ABCA3: variants seen among roughly 807,000 people sequenced by gnomAD.
The protein encoded by ABCA3 is phospholipid-transporting ATPase ABCA3.
A neutral mutation model predicts 172.8 loss-of-function variants in ABCA3; 88 were observed. The observed-to-expected ratio is 0.51, with a 90% confidence interval of 0.43 to 0.61. The LOEUF is 0.61. Ranked by LOEUF, ABCA3 falls within the 20% of genes least tolerant of loss-of-function variation. ABCA3 has a pLI of 0.00. For missense variants in ABCA3, 2,164 were observed against 2,301.0 expected (o/e 0.94, Z 1.22); for synonymous variants, 1,066 against 983.8 (o/e 1.08, Z -1.56).
In ABCA3 at chr16:2,319,612, G is replaced by A. The variant is rs1271636331; in HGVS notation, c.842C>T (p.Ala281Val). 6.2e-7 allele frequency: 1 copy of A among 1,613,030 alleles called. No individual in the cohort carries two copies. The highest frequency in any genetic ancestry group is 8.5e-7 in the Non-Finnish European group (1 of 1,180,036). ...FTYTALTIARAVVQEKERRLK... is the reference protein window; with the variant it reads ...FTYTALTIARVVVQEKERRLK... Reference sequence around the variant, plus strand: ...CCTCCTTTCCTTCTCCTGCACGACAGCACGGGCAATGGTGAGCGCGGTGTA... The same window carrying A: ...CCTCCTTTCCTTCTCCTGCACGACAACACGGGCAATGGTGAGCGCGGTGTA... The change falls in exon 8 of 33, where the codon GCT becomes GTT. Residue 281 changes from alanine (A) to valine (V), a missense_variant. Physicochemically the swap from Ala to Val is moderately conservative, Grantham distance 64. This residue lies in a region of ABCA3 where 1,343 missense variants were observed against 1,369.6 expected (regional missense o/e 0.98). Transcript: ENST00000301732.
At position 2,332,453 on chromosome 16, in the gene ABCA3, C is replaced by T. The variant is rs920694827; in HGVS notation, c.-538-2599G>A. The T allele has an allele frequency of 2.3e-5, 26 of 1,112,572 alleles. 1 individual carries two copies. Among genetic ancestry groups the T allele is most frequent in the Middle Eastern group, 2.9e-4 (1 of 3,446 alleles). The allele number at this position is 1,112,572 out of a possible 1,614,324, so 68.9% of individuals were successfully genotyped here. On this transcript the variant is annotated intron_variant, in intron 1 of 32. Transcript: ENST00000301732. ...TTGATCTCCTTCTTGGAAGCCTCAT[C>T]CATATACTTCTGGTAATAGGCCACC...
In ABCA3 at chr16:2,304,071, C is replaced by T. The variant is rs758166826; in HGVS notation, c.1365G>A (p.Met455Ile). 1.2e-6 allele frequency: 2 copies of T among 1,614,196 alleles called. No individual in the cohort carries two copies. Among genetic ancestry groups the T allele is most frequent in the Non-Finnish European group, 1.7e-6 (2 of 1,180,030 alleles). The change falls in exon 12 of 33, where the codon ATG becomes ATA. Residue 455 changes from methionine to isoleucine, a missense_variant. Met to Ile is a conservative substitution (Grantham distance 10). Coordinates refer to ENST00000301732, the MANE Select transcript of ABCA3 (RefSeq NM_001089.3). ...CATAGAGCACAGAGTCCAGCAGCAGCATCCCCAGCACCTGCCCGAAGCAGA... is the reference window on the plus strand; with the variant it reads ...CATAGAGCACAGAGTCCAGCAGCAGTATCCCCAGCACCTGCCCGAAGCAGA... The part of the protein sequence containing the change: ...DDFCFGQVLG[M>I]LLLDSVLYGL...
At chr16:2,312,316 C>T (rs886207403) in intron 10 of ABCA3, among the ~76,000 whole-genome samples, 4 of 152,086 alleles carry the variant, frequency 2.6e-5, no homozygotes, top group African/African-American at 7.2e-5. Context: ...AAAAATGGTG[C>T]CCCATGGAAA....
intron 9 of ABCA3, 49 bp from the exon 10 acceptor site, chr16:2,317,452 C>T: frequency 1.9e-6 from 3 of 1,610,572 alleles, no homozygotes; most frequent in South Asian, 1.1e-5. Context: ...CAGAGGTGGA[C>T]CAGGAGGACT....
rs1456637788 is a variant in ABCA3 at position 2,283,298 on chromosome 16, G to A, written c.3923C>T (p.Ala1308Val). ...WSAPGVGRFV[A>V]SMAASGCAYL... Reference sequence around the variant, plus strand: ...GGCGCACCCTGAGGCGGCCATGGAGGCCACAAACCGGCCGACCCCCGGGGC... The same window carrying A: ...GGCGCACCCTGAGGCGGCCATGGAGACCACAAACCGGCCGACCCCCGGGGC... Residue 1308 changes from alanine (A) to valine (V), a missense_variant, in exon 26 of 33, where the codon GCC becomes GTC. By Grantham distance (64) the Ala-to-Val change is moderately conservative. Coordinates refer to ENST00000301732, the MANE Select transcript of ABCA3 (RefSeq NM_001089.3). This position sits in a 1 kb window ranked among gnomAD's most constrained non-coding sequence, Gnocchi z 5.4. The A allele has an allele frequency of 1.2e-6, 2 of 1,613,182 alleles. No homozygotes were observed. The highest frequency in any genetic ancestry group is 2.2e-5 in the South Asian group (2 of 91,072).
rs1436220080 is a variant in ABCA3, at chr16:2,279,545, G to A, written c.4360-415C>T. ...TTTGTGGGCACCACGTTTGGGGTGA[G>A]TACTGCTTGGTCAGATGGTGCAGCA... On this transcript the variant is annotated intron_variant, in intron 28 of 32. Transcript: ENST00000301732. This position sits in a 1 kb window ranked among gnomAD's most constrained non-coding sequence, Gnocchi z 4.4. Among the ~76,000 whole-genome samples the A allele has an allele frequency of 7.2e-5, 11 of 152,214 alleles. No individual in the cohort carries two copies. Among genetic ancestry groups the A allele is most frequent in the Non-Finnish European group, 1.3e-4 (9 of 68,044 alleles).
intron 5 of ABCA3, 97 bp downstream of exon 5, chr16:2,325,913 C>T: frequency 2.6e-6 from 4 of 1,563,678 alleles, no homozygotes; most frequent in Non-Finnish European, 3.5e-6. Context: ...GTGAACTCCT[C>T]ACCCAGCTGC....
chr16:2,307,466 G>C (rs1213013394), intron 11 of ABCA3, among the ~76,000 whole-genome samples: 1 of 151,774 alleles, frequency 6.6e-6, no homozygotes, highest in Non-Finnish European at 1.5e-5. Context: ...GAGGTGGGAG[G>C]ATCACTTGAA....
intron 10 of ABCA3, among the ~76,000 whole-genome samples, chr16:2,313,750 C>T (rs528485044): frequency 2.0e-5 from 3 of 151,578 alleles, no homozygotes; most frequent in African/African-American, 7.3e-5. Flanking sequence ...ACAAAAATAG[C>T]TGGGTATGGT....
chr16:2,286,938 C>T lies in ABCA3; in HGVS notation c.3034G>A (p.Ala1012Thr). The T allele has an allele frequency of 6.2e-7, 1 of 1,613,786 alleles. No homozygotes were observed. Among genetic ancestry groups the T allele is most frequent in the African/African-American group, 1.3e-5 (1 of 75,036 alleles). The change falls in exon 22 of 33, where the codon GCT becomes ACT. Residue 1012 changes from alanine (A) to threonine (T), a missense_variant. Around this residue, in one of 3 missense-constraint regions of ABCA3, gnomAD observed 1,343 missense variants for 1,369.6 expected, o/e 0.98. Transcript: ENST00000301732. This position sits in a 1 kb window ranked among gnomAD's most constrained non-coding sequence, Gnocchi z 5.2. ...TTAAAGCCGCCCCCCTCCACAGAAG[C>T]CCTGAAGATCAAGAACTCCTCCAGG... Reference protein sequence around the residue: ...GDLEEFLIFRASVEGGGFNER... With the variant: ...GDLEEFLIFRTSVEGGGFNER...
chr16:2,276,966 C>T (rs45455196), intron 32 of ABCA3, among the ~76,000 whole-genome samples, 161 bp from the exon 33 acceptor site: 365 of 152,340 alleles, frequency 2.4e-3, no homozygotes, highest in Middle Eastern at 0.014. Context: ...GCGACGGCAC[C>T]GTGCTCCCAG....
chr16:2,333,834 G>C (rs926380492), intron 1 of ABCA3, among the ~76,000 whole-genome samples: 1 of 151,766 alleles, frequency 6.6e-6, no homozygotes, highest in East Asian at 1.9e-4. Flanking sequence ...GATTACAGGC[G>C]TGCGCCACCA....
Position 2,283,940 on chromosome 16 carries a change from G to A in ABCA3, c.3862+339C>T. 3.5e-6 allele frequency: 1 copy of A among 289,380 alleles called. No individual in the cohort carries two copies. Among genetic ancestry groups the A allele is most frequent in the Non-Finnish European group, 6.6e-6 (1 of 151,196 alleles). 17.9% of individuals were successfully genotyped at this position (289,380 alleles called of 1,614,324 possible). A position where few individuals can be genotyped will look rare whatever the true frequency, so the allele number is the denominator to read the frequency against. ...TGGTGGGGAGTAGGTGCAGCCAGGAGCTCAGGATGCCTGGAGCCTCCAGGA... is the reference window on the plus strand; with the variant it reads ...TGGTGGGGAGTAGGTGCAGCCAGGAACTCAGGATGCCTGGAGCCTCCAGGA... On this transcript the variant is annotated intron_variant, in intron 25 of 32. Coordinates refer to ENST00000301732, the MANE Select transcript of ABCA3 (RefSeq NM_001089.3). The surrounding 1 kb of genome is among the most constrained non-coding windows in gnomAD (Gnocchi z 5.4).
chr16:2,285,363 T>G lies in ABCA3; in HGVS notation c.3483+79A>C. 1 of 1,518,314 alleles carries G rather than the reference T, an allele frequency of 6.6e-7. No homozygotes were observed. The highest frequency in any genetic ancestry group is 2.1e-4 in the Middle Eastern group (1 of 4,668). The allele number at this position is 1,518,314 out of a possible 1,614,324, so 94.1% of individuals were successfully genotyped here. Reference sequence around the variant, plus strand: ...GCCGGCCTAGGGGCTGCCCAGCTGGTTCCGGTTCTGCACAGGGGTCCCAGG... The same window carrying G: ...GCCGGCCTAGGGGCTGCCCAGCTGGGTCCGGTTCTGCACAGGGGTCCCAGG... On this transcript the variant is annotated intron_variant, in intron 23 of 32. Coordinates refer to ENST00000301732, the MANE Select transcript of ABCA3 (RefSeq NM_001089.3). This position sits in a 1 kb window ranked among gnomAD's most constrained non-coding sequence, Gnocchi z 4.7.
At chr16:2,294,791 T>G (rs918191798) in intron 18 of ABCA3, among the ~76,000 whole-genome samples, 1 of 152,096 alleles carries the variant, frequency 6.6e-6, no homozygotes, top group Non-Finnish European at 1.5e-5. Flanking sequence ...GAGACCAGCC[T>G]GGACAACATG....
intron 1 of ABCA3, among the ~76,000 whole-genome samples, chr16:2,336,564 G>A (rs1350742536): frequency 1.3e-5 from 2 of 149,766 alleles, no homozygotes; most frequent in African/African-American, 2.5e-5. Flanking sequence ...CTGAGTAGCT[G>A]GAATTACAGG....
intron 11 of ABCA3, among the ~76,000 whole-genome samples, chr16:2,308,159 G>A (rs528742510): frequency 1.3e-5 from 2 of 152,212 alleles, no homozygotes; most frequent in Admixed American, 6.5e-5. Flanking sequence ...TGGTGCCAAC[G>A]CTGCTGGATG....
At chr16:2,316,722 T>C (rs2093716503) in intron 10 of ABCA3, among the ~76,000 whole-genome samples, 1 of 149,826 alleles carries the variant, frequency 6.7e-6, no homozygotes, top group Non-Finnish European at 1.5e-5. Context: ...CTTAGAGTGG[T>C]GGTGAGGTTG....
chr16:2,301,018 CAGG>C (rs2093688224), intron 12 of ABCA3, among the ~76,000 whole-genome samples: 1 of 149,754 alleles, frequency 6.7e-6, no homozygotes, highest in Non-Finnish European at 1.5e-5. Context: ...ATCATGAGGT[CAGG>C]AGATCGAGAC....
Sources: gnomAD v4.1 joint callset for allele counts (sites outside exome capture counted in the v4.1 genomes callset) on GRCh38, gnomAD v4.1.1 for gene constraint, gnomAD v4.1.1 regional missense constraint, Gnocchi (gnomAD v3.1) non-coding constraint, MANE v1.5 for transcripts, NCBI Gene and HGNC (gene_info 2026-07-23, HGNC 2026-07-21) for gene names.